The following ZNF26 variants were observed in gnomAD, a reference collection of about 807,000 sequenced individuals.
The protein encoded by ZNF26 is epididymis luminal protein 179.
Under a neutral mutation model 54.9 loss-of-function variants are expected in ZNF26, and 32 were observed. That is an observed-to-expected ratio of 0.58 (90% confidence interval 0.44 to 0.78). ZNF26 has a LOEUF of 0.78. ZNF26 is among the 30% of genes least tolerant of loss of function. ZNF26 has a pLI of 0.00. For missense variants in ZNF26, 524 were observed against 634.0 expected (o/e 0.83, Z 1.86); for synonymous variants, 221 against 209.2 (o/e 1.06, Z -0.49).
At chr12:133,003,247 G>A (rs1422190363) in intron 1 of ZNF26, among the ~76,000 whole-genome samples, 1 of 148,334 alleles carries the variant, frequency 6.7e-6, no homozygotes, top group Non-Finnish European at 1.5e-5. Flanking sequence ...TGTTTATGTA[G>A]TTCCCTTTTC....
Position 133,007,151 on chromosome 12 carries a change from A to G in ZNF26, c.143A>G (p.His48Arg). The part of the protein sequence containing the change: ...LYRDVILENY[H>R]NLISVGYHGT... Reference sequence around the variant, plus strand: ...AGAGATGTGATATTGGAAAACTATCATAACCTGATATCAGTGGGTAAGTAC... The same window carrying G: ...AGAGATGTGATATTGGAAAACTATCGTAACCTGATATCAGTGGGTAAGTAC... Residue 48 changes from histidine to arginine, a missense_variant, in exon 2 of 4, where the codon CAT becomes CGT. Transcript: ENST00000328654. The G allele has an allele frequency of 1.2e-6, 2 of 1,614,218 alleles. No homozygotes were observed. The highest frequency in any genetic ancestry group is 1.7e-6 in the Non-Finnish European group (2 of 1,180,028).
Position 133,001,813 on chromosome 12 carries a change from C to A in ZNF26, c.34-5229C>A. ...CAGCTGCCTTTTGAGAGTCCCGCGGCAGTCTTTGCCTTCAGAATTTTTCAG... is the reference window on the plus strand; with the variant it reads ...CAGCTGCCTTTTGAGAGTCCCGCGGAAGTCTTTGCCTTCAGAATTTTTCAG... On this transcript the variant is annotated intron_variant, in intron 1 of 3. Transcript: ENST00000328654. The surrounding 1 kb of genome is among the most constrained non-coding windows in gnomAD (Gnocchi z 4.7). 1.4e-6 allele frequency: 1 copy of A among 695,092 alleles called. No homozygotes were observed. Among genetic ancestry groups the A allele is most frequent in the Non-Finnish European group, 2.2e-6 (1 of 461,320 alleles). 43.1% of individuals were successfully genotyped at this position (695,092 alleles called of 1,614,324 possible).
intron 1 of ZNF26, among the ~76,000 whole-genome samples, chr12:133,000,793 A>T (rs1953199344): frequency 6.6e-6 from 1 of 152,048 alleles, no homozygotes; most frequent in South Asian, 2.1e-4. Flanking sequence ...TCCTGATTGC[A>T]GGTGATCCAC....
chr12:132,989,449 A>G (rs1390959962), intron 1 of ZNF26, among the ~76,000 whole-genome samples: 1 of 152,228 alleles, frequency 6.6e-6, no homozygotes, highest in Non-Finnish European at 1.5e-5. Flanking sequence ...CAAAATGCTT[A>G]AGACCAGAAT....
rs1317210834 is a variant in ZNF26 at position 133,019,973 on chromosome 12, G to A, written c.*8492G>A. On this transcript the variant is annotated 3_prime_UTR_variant, in exon 4 of 4. Coordinates refer to ENST00000328654, the MANE Select transcript of ZNF26 (RefSeq NM_019591.4). ...TAGCGGGGTGTGGTGGCAGACACCT[G>A]TAGTCCCAGCTACTCGGGAGGCTGA... 1 of 152,230 alleles carries A rather than the reference G, an allele frequency of 6.6e-6. No homozygotes were observed. The highest frequency in any genetic ancestry group is 1.5e-5 in the Non-Finnish European group (1 of 68,106). 9.4% of individuals were successfully genotyped at this position (152,230 alleles called of 1,614,324 possible). A position where few individuals can be genotyped will look rare whatever the true frequency, so the allele number is the denominator to read the frequency against.
At chr12:132,993,273 C>A (rs1953003162) in intron 1 of ZNF26, among the ~76,000 whole-genome samples, 1 of 152,044 alleles carries the variant, frequency 6.6e-6, no homozygotes, top group Admixed American at 6.6e-5. Context: ...GATCTACCCA[C>A]CTCAGCCTCT....
intron 3 of ZNF26, among the ~76,000 whole-genome samples, chr12:133,008,401 C>T (rs1370091246): frequency 6.6e-6 from 1 of 152,234 alleles, no homozygotes; most frequent in South Asian, 2.1e-4. Context: ...CTTAGCAAAC[C>T]ATCTTAGTTC....
chr12:132,999,237 G>A (rs373932722), intron 1 of ZNF26, among the ~76,000 whole-genome samples: 2,364 of 152,230 alleles, frequency 0.016, 57 homozygotes, highest in African/African-American at 0.053. Flanking sequence ...TATCTCAGCC[G>A]ATTCTCTTAG....
chr12:133,000,321 C>T (rs1468273962), intron 1 of ZNF26, among the ~76,000 whole-genome samples: 2 of 150,948 alleles, frequency 1.3e-5, no homozygotes, highest in African/African-American at 2.4e-5. Context: ...GGCACGTTCT[C>T]GCTCACTGCA....
chr12:133,025,780 TAAGA>T lies in ZNF26; in HGVS notation c.*14306_*14309del, dbSNP rs1953695744. On this transcript the variant is annotated 3_prime_UTR_variant, in exon 4 of 4. Coordinates refer to ENST00000328654, the MANE Select transcript of ZNF26 (RefSeq NM_019591.4). ...AACACAGTGAGACCCCGTTTCTATTTAAGAAAGAAAAAAAAGAATGCAGCAGAGA... is the reference window on the plus strand; with the variant it reads ...AACACAGTGAGACCCCGTTTCTATTTAAGAAAAAAAAGAATGCAGCAGAGA... 1 of 152,126 alleles carries T rather than the reference TAAGA, an allele frequency of 6.6e-6. No individual in the cohort carries two copies. Among genetic ancestry groups the T allele is most frequent in the South Asian group, 2.1e-4 (1 of 4,834 alleles). The allele number at this position is 152,126 out of a possible 1,614,324, so 9.4% of individuals were successfully genotyped here.
At position 133,011,452 on chromosome 12, in the gene ZNF26, C is replaced by T; in HGVS notation, c.1573C>T (p.Leu525Phe). The T allele has an allele frequency of 4.4e-6, 7 of 1,575,228 alleles. No homozygotes were observed. The highest frequency in any genetic ancestry group is 1.2e-5 in the South Asian group (1 of 83,864). ...CGKSFCWNSG[L>F]RIHRKTHK ...GAAATCCTTCTGTTGGAATTCAGGG[C>T]TTCGTATACATCGGAAGACTCATAA... Residue 525 changes from leucine to phenylalanine, a missense_variant, in exon 4 of 4, where the codon CTT becomes TTT. Coordinates refer to ENST00000328654, the MANE Select transcript of ZNF26 (RefSeq NM_019591.4).
intron 1 of ZNF26, among the ~76,000 whole-genome samples, chr12:132,992,244 T>G (rs2137215068): frequency 6.6e-6 from 1 of 152,350 alleles, no homozygotes; most frequent in Middle Eastern, 3.4e-3. Context: ...TATCTTAGTT[T>G]TTGTTTGAGA....
At chr12:133,002,485 A>T (rs2137240833) in intron 1 of ZNF26, among the ~76,000 whole-genome samples, 1 of 152,140 alleles carries the variant, frequency 6.6e-6, no homozygotes, top group South Asian at 2.1e-4. Flanking sequence ...GAAGCCTTTC[A>T]GTGGCTTCTC....
intron 2 of ZNF26, 134 bp downstream of exon 2, chr12:133,007,302 A>G: frequency 7.5e-7 from 1 of 1,335,390 alleles, no homozygotes. Flanking sequence ...AAATTTCCTT[A>G]GTCCCTGTTT....
intron 1 of ZNF26, chr12:133,006,384 T>G: frequency 1.4e-6 from 1 of 721,274 alleles, no homozygotes; most frequent in Non-Finnish European, 1.7e-6. Context: ...TAAGACTACT[T>G]GAGTGGCTCT....
Position 133,013,813 on chromosome 12 carries a change from G to T in ZNF26, c.*2332G>T. On this transcript the variant is annotated 3_prime_UTR_variant, in exon 4 of 4. Coordinates refer to ENST00000328654, the MANE Select transcript of ZNF26 (RefSeq NM_019591.4). ...CTCAGCCTAGCAAACTCTTCTGATA[G>T]ACTTTGCACTGCAGATGCTTCATTT... is the stretch of plus-strand genomic sequence containing the variant. The T allele has an allele frequency of 6.4e-6, 1 of 155,862 alleles. No individual in the cohort carries two copies. Among genetic ancestry groups the T allele is most frequent in the East Asian group, 1.9e-4 (1 of 5,234 alleles). 9.7% of individuals were successfully genotyped at this position (155,862 alleles called of 1,614,324 possible).
chr12:132,993,456 T>C (rs755393165), intron 1 of ZNF26, among the ~76,000 whole-genome samples: 49 of 151,742 alleles, frequency 3.2e-4, no homozygotes, highest in Non-Finnish European at 5.2e-4. Context: ...GCCCTGTCTG[T>C]GTTTTTGTTT....
intron 3 of ZNF26, 51 bp downstream of exon 3, chr12:133,007,583 G>A (rs1242599415): frequency 8.2e-6 from 11 of 1,343,502 alleles, no homozygotes; most frequent in Non-Finnish European, 1.2e-5. Context: ...GAGCTGATGA[G>A]TACCTGAGGA....
rs1953477309 is a variant in ZNF26 at position 133,011,695 on chromosome 12, T to C, written c.*214T>C. ...TGGAAGGAATGTGGAGCAATAAATG[T>C]ATCAAATGTTGTAGTATCATCATGA... On this transcript the variant is annotated 3_prime_UTR_variant, in exon 4 of 4. Coordinates refer to ENST00000328654, the MANE Select transcript of ZNF26 (RefSeq NM_019591.4). 1 of 384,128 alleles carries C rather than the reference T, an allele frequency of 2.6e-6. No individual in the cohort carries two copies. Among genetic ancestry groups the C allele is most frequent in the Non-Finnish European group, 4.6e-6 (1 of 217,456 alleles). 23.8% of individuals were successfully genotyped at this position (384,128 alleles called of 1,614,324 possible).
Sources: gnomAD v4.1 joint callset for allele counts (sites outside exome capture counted in the v4.1 genomes callset) on GRCh38, gnomAD v4.1.1 for gene constraint, Gnocchi (gnomAD v3.1) non-coding constraint, MANE v1.5 for transcripts, NCBI Gene and HGNC (gene_info 2026-07-23, HGNC 2026-07-21) for gene names.